BAG3: variants seen among roughly 807,000 people sequenced by gnomAD.
BAG3 encodes the protein BAG family molecular chaperone regulator 3.
BAG3 carries 14 observed loss-of-function variants against 40.5 expected under a neutral mutation model. The ratio of observed to expected loss-of-function variants is 0.35; its 90% CI spans 0.23 to 0.54. BAG3 has a LOEUF of 0.54. Ranked by LOEUF, BAG3 falls within the 20% of genes least tolerant of loss-of-function variation. The pLI is 0.91. For missense variants in BAG3, 788 were observed against 758.6 expected, an observed-to-expected ratio of 1.04 and a Z score of -0.46; for synonymous variants, 302 against 307.8, an observed-to-expected ratio of 0.98 and a Z score of 0.20.
chr10:119,669,758 G>C, intron 1 of BAG3, 93 bp from the exon 2 acceptor site: 1 of 1,317,018 alleles, frequency 7.6e-7, no homozygotes. Context: ...CACTCGGGAA[G>C]ATCACAATGC....
At chr10:119,666,226 G>A (rs1847064634) in intron 1 of BAG3, among the ~76,000 whole-genome samples, 1 of 152,112 alleles carries the variant, frequency 6.6e-6, no homozygotes, top group Admixed American at 6.5e-5. Context: ...CTCCTGTGAT[G>A]GTTGGAACAC....
intron 3 of BAG3, among the ~76,000 whole-genome samples, chr10:119,673,039 C>T (rs1008385443): frequency 3.3e-5 from 5 of 152,118 alleles, no homozygotes; most frequent in African/African-American, 1.2e-4. Flanking sequence ...GTGTCACCTT[C>T]CACTCAGTTA....
intron 1 of BAG3, among the ~76,000 whole-genome samples, chr10:119,657,246 C>G (rs906156042): frequency 6.6e-6 from 1 of 152,218 alleles, no homozygotes; most frequent in Non-Finnish European, 1.5e-5. Flanking sequence ...ATATAGAGGA[C>G]AAGTCTGCCC....
chr10:119,665,229 C>T (rs1337104485), intron 1 of BAG3, among the ~76,000 whole-genome samples: 11 of 149,978 alleles, frequency 7.3e-5, no homozygotes, highest in Admixed American at 1.3e-4. Flanking sequence ...CTCCACCTCC[C>T]GGGTTCACGC....
intron 1 of BAG3, among the ~76,000 whole-genome samples, chr10:119,657,955 G>A (rs1846935210): frequency 6.6e-6 from 1 of 152,216 alleles, no homozygotes; most frequent in Admixed American, 6.5e-5. Context: ...GCCTAGAATC[G>A]CAGAGTGCCA....
rs7900482 is a variant in BAG3 at position 119,669,824 on chromosome 10, C to G, written c.181-27C>G. 8.3e-5 allele frequency: 133 copies of G among 1,606,202 alleles called. No homozygotes were observed. In the African/African-American group the frequency reaches 1.4e-3, roughly 17 times the overall value. On this transcript the variant is annotated intron_variant, in intron 1 of 3. Coordinates refer to ENST00000369085, the MANE Select transcript of BAG3 (RefSeq NM_004281.4). Reference sequence around the variant, plus strand: ...GGTTCACTTCCCAGTTTCTAACCAGCCTGTGTTTCTCCACTTTTTATTTCA... The same window carrying G: ...GGTTCACTTCCCAGTTTCTAACCAGGCTGTGTTTCTCCACTTTTTATTTCA...
At position 119,672,785 on chromosome 10, in the gene BAG3, A is replaced by G. The variant is rs986919548; in HGVS notation, c.909+129A>G. On this transcript the variant is annotated intron_variant, in intron 3 of 3. Coordinates refer to ENST00000369085, the MANE Select transcript of BAG3 (RefSeq NM_004281.4). The surrounding 1 kb of genome is among the most constrained non-coding windows in gnomAD (Gnocchi z 4.8). ...ACATGCGTGTACCTACAGGCAAGTG[A>G]GATTCGAGAAATTGCTAGGTATTAA... 36 of 1,345,636 alleles carry G rather than the reference A, an allele frequency of 2.7e-5. No homozygotes were observed. The Middle Eastern group carries it at 1.7e-3, about 64-fold the overall frequency. 83.4% of individuals were successfully genotyped at this position (1,345,636 alleles called of 1,614,324 possible).
chr10:119,668,692 A>G (rs943800006), intron 1 of BAG3, among the ~76,000 whole-genome samples: 2 of 152,264 alleles, frequency 1.3e-5, no homozygotes, highest in Non-Finnish European at 2.9e-5. Context: ...CAAAATAGCC[A>G]GGCCACTGAA....
intron 3 of BAG3, among the ~76,000 whole-genome samples, chr10:119,673,703 T>G (rs931090071): frequency 1.3e-5 from 2 of 152,344 alleles, no homozygotes; most frequent in Admixed American, 1.3e-4. Flanking sequence ...TCTTAAAATG[T>G]TGTTTTATTT....
intron 1 of BAG3, among the ~76,000 whole-genome samples, chr10:119,668,168 C>T (rs1187649820): frequency 1.3e-5 from 2 of 152,258 alleles, no homozygotes; most frequent in African/African-American, 4.8e-5. Context: ...ACACCCATGC[C>T]TTTCCTGTGT....
intron 1 of BAG3, chr10:119,656,480 A>C (rs1475841014): frequency 2.7e-5 from 4 of 149,002 alleles, no homozygotes; most frequent in African/African-American, 1.0e-4. Flanking sequence ...TCCTGGGTTC[A>C]AGCGATTCTC....
In BAG3 at chr10:119,676,812, C is replaced by G. The variant is rs1253499464; in HGVS notation, c.1258C>G (p.Pro420Ala). 6.2e-7 allele frequency: 1 copy of G among 1,614,168 alleles called. No homozygotes were observed. Among genetic ancestry groups the G allele is most frequent in the Admixed American group, 1.7e-5 (1 of 60,020 alleles). ...PGEAEAPPKH[P>A]GVLKVEAILE... ...AGAAGCCGAGGCTCCCCCAAAACAT[C>G]CAGGAGTGCTGAAAGTGGAAGCCAT... The change falls in exon 4 of 4, where the codon CCA becomes GCA. Residue 420 changes from proline (P) to alanine (A), a missense_variant. Pro to Ala is a conservative substitution (Grantham distance 27). Transcript: ENST00000369085.
intron 1 of BAG3, among the ~76,000 whole-genome samples, chr10:119,662,360 C>T (rs192140221): frequency 9.0e-4 from 136 of 151,928 alleles, no homozygotes; most frequent in Middle Eastern, 3.4e-3. Context: ...TAAGCCACCA[C>T]GCCCAGTTCC....
chr10:119,661,814 C>T (rs1387322148), intron 1 of BAG3, among the ~76,000 whole-genome samples: 1 of 152,048 alleles, frequency 6.6e-6, no homozygotes, highest in African/African-American at 2.4e-5. Flanking sequence ...TCAGAATTTT[C>T]CCCAACTCTA....
rs544280047 is a variant in BAG3 at position 119,651,382 on chromosome 10, A to C, written c.-294A>C. The C allele has an allele frequency of 3.0e-3, 867 of 293,682 alleles. 1 individual carries two copies. Among genetic ancestry groups the C allele is most frequent in the Non-Finnish European group, 4.8e-3 (777 of 160,590 alleles). 18.2% of individuals were successfully genotyped at this position (293,682 alleles called of 1,614,324 possible). On this transcript the variant is annotated 5_prime_UTR_variant, in exon 1 of 4. Coordinates refer to ENST00000369085, the MANE Select transcript of BAG3 (RefSeq NM_004281.4). Reference sequence around the variant, plus strand: ...CCGATGACTCAGGGCGGAGCTCCGCATCCAACCCCGGGCCGCGGCCAACTT... The same window carrying C: ...CCGATGACTCAGGGCGGAGCTCCGCCTCCAACCCCGGGCCGCGGCCAACTT...
intron 2 of BAG3, among the ~76,000 whole-genome samples, chr10:119,671,585 G>A (rs764468250): frequency 3.5e-4 from 54 of 152,178 alleles, no homozygotes; most frequent in Non-Finnish European, 5.1e-4. Flanking sequence ...TTGTATGAGC[G>A]CTTCCTGTGT....
rs869248137 is a variant in BAG3 at position 119,676,479 on chromosome 10, C to T, written c.925C>T (p.Arg309Ter). 6 of 1,614,028 alleles carry T rather than the reference C, an allele frequency of 3.7e-6. No individual in the cohort carries two copies. Among genetic ancestry groups the T allele is most frequent in the South Asian group, 1.1e-5 (1 of 91,046 alleles). ...CTTTTTTCAGCAGCCCATGACCCATCGAGAAACTGCACCTGTTTCCCAGCC... is the reference window on the plus strand; with the variant it reads ...CTTTTTTCAGCAGCCCATGACCCATTGAGAAACTGCACCTGTTTCCCAGCC... Reference protein sequence around the residue: ...VDRPQQPMTHRETAPVSQPEN... With the variant: ...VDRPQQPMTH The change falls in exon 4 of 4, where the codon CGA becomes TGA. Residue 309 changes from arginine (R) to a stop codon, truncating the protein, a stop_gained. Coordinates refer to ENST00000369085, the MANE Select transcript of BAG3 (RefSeq NM_004281.4). LOFTEE classifies it high-confidence loss of function.
intron 1 of BAG3, among the ~76,000 whole-genome samples, chr10:119,653,372 A>T (rs1194657290): frequency 1.3e-5 from 2 of 152,156 alleles, no homozygotes; most frequent in Admixed American, 1.3e-4. Flanking sequence ...GTGGTTTACA[A>T]CTATTATTTT....
In BAG3 at chr10:119,676,531, G is replaced by T. The variant is rs1402686115; in HGVS notation, c.977G>T (p.Gly326Val). Residue 326 changes from glycine to valine, a missense_variant, in exon 4 of 4, where the codon GGC becomes GTC. By Grantham distance (109) the Gly-to-Val change is moderately radical (BLOSUM62 -3). Coordinates refer to ENST00000369085, the MANE Select transcript of BAG3 (RefSeq NM_004281.4). Reference sequence around the variant, plus strand: ...GAAAACAAACCAGAAAGTAAGCCAGGCCCAGTTGGACCAGAACTCCCTCCT... The same window carrying T: ...GAAAACAAACCAGAAAGTAAGCCAGTCCCAGTTGGACCAGAACTCCCTCCT... ...QPENKPESKPGPVGPELPPGH... is the reference protein window; with the variant it reads ...QPENKPESKPVPVGPELPPGH... The T allele has an allele frequency of 6.2e-7, 1 of 1,613,692 alleles. No homozygotes were observed. The highest frequency in any genetic ancestry group is 8.5e-7 in the Non-Finnish European group (1 of 1,179,948).
Sources: gnomAD v4.1 joint callset for allele counts (sites outside exome capture counted in the v4.1 genomes callset) on GRCh38, gnomAD v4.1.1 for gene constraint, Gnocchi (gnomAD v3.1) non-coding constraint, MANE v1.5 for transcripts, NCBI Gene and HGNC (gene_info 2026-07-23, HGNC 2026-07-21) for gene names.